The following SHISAL2B variants were observed in gnomAD, a reference collection of about 807,000 sequenced individuals.
SHISAL2B encodes protein shisa-like-2B.
In SHISAL2B, 12 loss-of-function variants were observed where a neutral mutation model predicts 16.5. That is an observed-to-expected ratio of 0.73 (90% confidence interval 0.47 to 1.18). SHISAL2B has a LOEUF of 1.18. SHISAL2B is among the 50% of genes most tolerant of loss of function. The pLI, the probability that SHISAL2B is intolerant of heterozygous loss-of-function variation, is 0.00. For synonymous variants in SHISAL2B, 72 were observed against 75.0 expected (o/e 0.96, Z 0.21); for missense variants, 183 against 193.6 (o/e 0.95, Z 0.33).
At chr5:64,690,868 C>A (rs977106337) in intron 1 of SHISAL2B, 54 bp downstream of exon 1, 12 of 1,418,826 alleles carry the variant, frequency 8.5e-6, no homozygotes, top group Non-Finnish European at 1.0e-5. Flanking sequence ...GCTAGGGAGG[C>A]GACAAGCGGA....
At chr5:64,691,067 A>G (rs554459361) in intron 1 of SHISAL2B, among the ~76,000 whole-genome samples, 3 of 152,320 alleles carry the variant, frequency 2.0e-5, no homozygotes, top group South Asian at 4.1e-4. Flanking sequence ...CTTTGCGCCC[A>G]GGGCGCACTT....
At chr5:64,707,851 T>G (rs2112067837) in intron 2 of SHISAL2B, among the ~76,000 whole-genome samples, 1 of 152,344 alleles carries the variant, frequency 6.6e-6, no homozygotes, top group Middle Eastern at 3.4e-3. Flanking sequence ...CTGGTCCTGT[T>G]TGATATTCGT....
chr5:64,705,543 T>C (rs1162601617), intron 2 of SHISAL2B, among the ~76,000 whole-genome samples: 1 of 152,206 alleles, frequency 6.6e-6, no homozygotes, highest in Non-Finnish European at 1.5e-5. Context: ...TTATATAAGA[T>C]ACAAATGTCA....
At chr5:64,712,372 G>T (rs1288857320) in intron 2 of SHISAL2B, among the ~76,000 whole-genome samples, 10 of 152,156 alleles carry the variant, frequency 6.6e-5, no homozygotes, top group Admixed American at 6.5e-4. Flanking sequence ...TTAATCCTGA[G>T]TTCTAGTTTG....
intron 1 of SHISAL2B, 90 bp downstream of exon 1, chr5:64,690,904 C>G: frequency 8.8e-7 from 1 of 1,131,838 alleles, no homozygotes; most frequent in Non-Finnish European, 1.2e-6. Flanking sequence ...GGGAGGTTCC[C>G]CCGCGTCCCC....
intron 2 of SHISAL2B, among the ~76,000 whole-genome samples, chr5:64,702,272 T>C (rs7724573): frequency 0.45 from 68,864 of 151,822 alleles, 19,174 homozygotes; most frequent in African/African-American, 0.78. Flanking sequence ...ATGATCTTGG[T>C]TCACCGCAAC....
intron 2 of SHISAL2B, among the ~76,000 whole-genome samples, chr5:64,705,952 A>T (rs745729009): frequency 1.3e-5 from 2 of 152,164 alleles, no homozygotes; most frequent in Admixed American, 6.5e-5. Flanking sequence ...TGAGCCCAGG[A>T]TTTCAAGGCC....
intron 2 of SHISAL2B, among the ~76,000 whole-genome samples, chr5:64,712,553 G>T (rs1365645395): frequency 6.6e-6 from 1 of 150,914 alleles, no homozygotes; most frequent in South Asian, 2.1e-4. Context: ...TGTCTATTAG[G>T]TCCACTTGGT....
At chr5:64,695,399 G>A in intron 1 of SHISAL2B, 108 bp from the exon 2 acceptor site, 2 of 684,486 alleles carry the variant, frequency 2.9e-6, no homozygotes, top group Non-Finnish European at 4.4e-6. Context: ...ATACAATTTG[G>A]TTATGAATAA....
chr5:64,691,636 A>G (rs184772029), intron 1 of SHISAL2B: 1 of 152,150 alleles, frequency 6.6e-6, no homozygotes, highest in Non-Finnish European at 1.5e-5. Context: ...TCTTTTTCCC[A>G]TAGTGGCAAT....
intron 2 of SHISAL2B, among the ~76,000 whole-genome samples, chr5:64,713,047 T>C (rs1284582193): frequency 6.6e-6 from 1 of 151,528 alleles, no homozygotes; most frequent in Non-Finnish European, 1.5e-5. Flanking sequence ...ACATTTAAAG[T>C]TAATATTGTT....
intron 2 of SHISAL2B, among the ~76,000 whole-genome samples, chr5:64,708,716 CTACTA>C (rs1171682959): frequency 6.6e-6 from 1 of 152,118 alleles, no homozygotes; most frequent in Non-Finnish European, 1.5e-5. Flanking sequence ...CCATCTTTCT[CTACTA>C]TATTTATTTT....
At position 64,709,159 on chromosome 5, in the gene SHISAL2B, G is replaced by A. The variant is rs571163083; in HGVS notation, c.350-8730G>A. On this transcript the variant is annotated intron_variant, in intron 2 of 2. Coordinates refer to ENST00000389074, the MANE Select transcript of SHISAL2B (RefSeq NM_001164442.2). ...CCACTAACTCGTCATCTAGCATTAG[G>A]TATATCTCCCAATGCTATCCCTCCC... Among the ~76,000 whole-genome samples the A allele has an allele frequency of 5.7e-3, 826 of 143,656 alleles. 2 individuals are homozygous for A. Among genetic ancestry groups the A allele is most frequent in the Non-Finnish European group, 9.4e-3 (628 of 66,536 alleles). The allele number at this position is 143,656 out of a possible 152,430, so 94.2% of individuals were successfully genotyped here.
chr5:64,695,463 T>C, intron 1 of SHISAL2B, 44 bp from the exon 2 acceptor site: 1 of 1,439,932 alleles, frequency 6.9e-7, no homozygotes, highest in Non-Finnish European at 9.2e-7. Flanking sequence ...TGAACCAGTG[T>C]GAACCACTTT....
chr5:64,713,588 C>T (rs1273247810), intron 2 of SHISAL2B, among the ~76,000 whole-genome samples: 3 of 99,042 alleles, frequency 3.0e-5, no homozygotes, highest in Admixed American at 9.5e-5. Context: ...CGTTGGCCTG[C>T]CTTGCTAGAT....
At chr5:64,698,536 C>T (rs976434973) in intron 2 of SHISAL2B, among the ~76,000 whole-genome samples, 5 of 152,182 alleles carry the variant, frequency 3.3e-5, no homozygotes, top group Non-Finnish European at 5.9e-5. Flanking sequence ...ATCTGCATGA[C>T]TTACATTATC....
rs149547808 is a variant in SHISAL2B at position 64,690,689 on chromosome 5, C to T, written c.66C>T (p.Phe22=). 5.7e-4 allele frequency: 868 copies of T among 1,535,002 alleles called. 2 individuals are homozygous for T. The African/African-American group carries it at 7.1e-3, about 13-fold the overall frequency. ...YSLNQSFVEP[F]QCPRRGEGAA... ...TCAACCAGAGCTTCGTGGAGCCCTT[C>T]CAGTGCCCCCGGCGCGGCGAGGGGG... The change falls in exon 1 of 3, where the codon TTC becomes TTT. Residue 22 remains phenylalanine, a synonymous_variant. Transcript: ENST00000389074.
At chr5:64,708,518 TGAGGCCA>T (rs1741904431) in intron 2 of SHISAL2B, among the ~76,000 whole-genome samples, 1 of 152,136 alleles carries the variant, frequency 6.6e-6, no homozygotes, top group Non-Finnish European at 1.5e-5. Flanking sequence ...AAAGACAGCA[TGAGGCCA>T]ATTAAACCTA....
intron 2 of SHISAL2B, among the ~76,000 whole-genome samples, chr5:64,708,593 A>G (rs912083572): frequency 6.6e-6 from 1 of 152,204 alleles, no homozygotes; most frequent in African/African-American, 2.4e-5. Flanking sequence ...CATCTTGACA[A>G]TAAGATATAA....
Sources: allele counts gnomAD v4.1 joint callset (sites outside exome capture counted in the v4.1 genomes callset), GRCh38; gene constraint gnomAD v4.1.1; transcripts MANE v1.5; gene names NCBI Gene and HGNC (gene_info 2026-07-23, HGNC 2026-07-21).